The following PRL variants were observed in gnomAD, a reference collection of about 807,000 sequenced individuals.
PRL encodes the protein prolactin.
PRL carries 24 observed loss-of-function variants against 21.3 expected under a neutral mutation model. The observed-to-expected ratio is 1.13, with a 90% CI of 0.82 to 1.59. The LOEUF (loss-of-function observed/expected upper bound fraction) is 1.59, where lower values mean the gene tolerates loss of function less well. PRL is among the 40% of genes most tolerant of loss of function. The pLI is 0.00. For missense variants in PRL, 243 were observed against 286.9 expected (o/e 0.85, Z 1.10); for synonymous variants, 118 against 115.7 (o/e 1.02, Z -0.13).
chr6:22,297,099 C>A (rs1263693049), upstream of PRL: 4 of 1,045,962 alleles, frequency 3.8e-6, no homozygotes, highest in Non-Finnish European at 5.6e-6. Context: ...TATAATGAAT[C>A]AGGCATTCGT....
Position 22,290,209 on chromosome 6 carries a change from G to C in PRL, c.457C>G (p.Arg153Gly). The C allele has an allele frequency of 6.2e-7, 1 of 1,603,522 alleles. No homozygotes were observed. Among genetic ancestry groups the C allele is most frequent in the Non-Finnish European group, 8.5e-7 (1 of 1,172,658 alleles). ...KAVEIEEQTK[R>G]LLEGMELIVS... The stretch of plus-strand genomic sequence containing the variant: ...ATCAGCTCCATGCCCTCTAGAAGCC[G>C]TTTGGTTTGCTCCTCAATCTCTACA... The change falls in exon 4 of 5, where the codon CGG becomes GGG. Residue 153 changes from arginine (R) to glycine (G), a missense_variant. Transcript: ENST00000306482.
At chr6:22,301,541 C>T (rs984728685), upstream of PRL, among the ~76,000 whole-genome samples, 1 of 152,140 alleles carries the variant, frequency 6.6e-6, no homozygotes, top group Non-Finnish European at 1.5e-5. Context: ...GATATTGTAA[C>T]AACTCTTAGG....
rs530101047 is a variant in PRL, at chr6:22,292,488, C to T, written c.312+50G>A. ...ACAGCACCTATCACCATGATAATAC[C>T]CATATACTGCCTTGGTTGTTTTGGT... On this transcript the variant is annotated intron_variant, in intron 3 of 4. Transcript: ENST00000306482. The T allele has an allele frequency of 1.7e-5, 25 of 1,514,248 alleles. No homozygotes were observed. In the East Asian group the frequency reaches 2.5e-4, roughly 15 times the overall value. 93.8% of individuals were successfully genotyped at this position (1,514,248 alleles called of 1,614,324 possible). A position where few individuals can be genotyped will look rare whatever the true frequency, so the allele number is the denominator to read the frequency against.
rs1760945696 is a variant in PRL, at chr6:22,287,471, C to T, written c.615G>A (p.Arg205=). 1 of 1,613,954 alleles carries T rather than the reference C, an allele frequency of 6.2e-7. No homozygotes were observed. Among genetic ancestry groups the T allele is most frequent in the Non-Finnish European group, 8.5e-7 (1 of 1,179,940 alleles). ...AYYNLLHCLR[R]DSHKIDNYLK... Reference sequence around the variant, plus strand: ...GATAATTGTCGATTTTATGTGAATCCCTGCGTAGGCAGTGGAGCAGGTTAT... The same window carrying T: ...GATAATTGTCGATTTTATGTGAATCTCTGCGTAGGCAGTGGAGCAGGTTAT... The change falls in exon 5 of 5, where the codon AGG becomes AGA. Residue 205 remains arginine (R), a synonymous_variant. Transcript: ENST00000306482.
At position 22,290,249 on chromosome 6, in the gene PRL, A is replaced by G. The variant is rs776775683; in HGVS notation, c.417T>C (p.Ala139=). 1.1e-5 allele frequency: 17 copies of G among 1,613,292 alleles called. No individual in the cohort carries two copies. In the South Asian group the frequency reaches 1.9e-4, roughly 18 times the overall value. The change falls in exon 4 of 5, where the codon GCT becomes GCC. Residue 139 remains alanine, a synonymous_variant. Coordinates refer to ENST00000306482, the MANE Select transcript of PRL (RefSeq NM_000948.6). ...EVRGMQEAPE[A]ILSKAVEIEE... ...CAATCTCTACAGCTTTGGATAGGAT[A>G]GCCTCCGGGGCTTCTTGCATACCAC...
chr6:22,298,386 T>A (rs1761221979), upstream of PRL, among the ~76,000 whole-genome samples: 1 of 152,204 alleles, frequency 6.6e-6, no homozygotes, highest in Non-Finnish European at 1.5e-5. Context: ...CCTGTGACCT[T>A]TAGTTTCAAA....
intron 2 of PRL, 103 bp from the exon 3 acceptor site, chr6:22,292,748 A>C: frequency 2.3e-6 from 2 of 859,144 alleles, no homozygotes; most frequent in Non-Finnish European, 3.5e-6. Context: ...TGTAATTTTA[A>C]AAAATTAGAG....
upstream of PRL, among the ~76,000 whole-genome samples, chr6:22,297,907 T>C (rs539000030): frequency 2.6e-5 from 4 of 152,342 alleles, no homozygotes; most frequent in African/African-American, 7.2e-5. Flanking sequence ...AAGGAACAAT[T>C]ATTACTTCAC....
upstream of PRL, among the ~76,000 whole-genome samples, chr6:22,298,860 T>TG (rs1189364472): frequency 3.3e-5 from 5 of 152,202 alleles, no homozygotes; most frequent in Non-Finnish European, 7.3e-5. Flanking sequence ...TTAAAGGTGT[T>TG]GCAACATTCT....
intron 1 of PRL, 53 bp downstream of exon 1, chr6:22,296,902 C>A: frequency 1.3e-6 from 2 of 1,568,356 alleles, no homozygotes; most frequent in Non-Finnish European, 1.7e-6. Flanking sequence ...TCACATTAAT[C>A]CCCCCACAGG....
chr6:22,287,866 C>G (rs201569758), intron 4 of PRL, among the ~76,000 whole-genome samples: 1 of 152,162 alleles, frequency 6.6e-6, no homozygotes, highest in East Asian at 1.9e-4. Flanking sequence ...TGGAAAGGTA[C>G]TATGTAAATA....
At chr6:22,302,372 G>A (rs911765979), upstream of PRL, among the ~76,000 whole-genome samples, 1 of 151,634 alleles carries the variant, frequency 6.6e-6, no homozygotes, top group African/African-American at 2.4e-5. Context: ...CAATTAGGAG[G>A]CAGAATAAAA....
chr6:22,299,680 A>T (rs1198640878), upstream of PRL, among the ~76,000 whole-genome samples: 2 of 152,130 alleles, frequency 1.3e-5, no homozygotes, highest in African/African-American at 2.4e-5. Flanking sequence ...ATCTACTAAA[A>T]ATACAAAAAT....
intron 2 of PRL, among the ~76,000 whole-genome samples, chr6:22,293,619 GA>G (rs1761102311): frequency 1.7e-5 from 1 of 58,822 alleles, no homozygotes; most frequent in African/African-American, 6.3e-5. Flanking sequence ...AGGGAGGAGG[GA>G]AGGAGGGAAG....
chr6:22,294,267 T>G (rs1405857632), intron 2 of PRL, 142 bp downstream of exon 2: 1 of 897,488 alleles, frequency 1.1e-6, no homozygotes, highest in African/African-American at 1.7e-5. Flanking sequence ...GTTCCACATC[T>G]TATGAGCTGG....
At chr6:22,297,833 T>C (rs974166276), upstream of PRL, among the ~76,000 whole-genome samples, 1 of 152,204 alleles carries the variant, frequency 6.6e-6, no homozygotes, top group African/African-American at 2.4e-5. Flanking sequence ...GGGCTTTACT[T>C]TTAAATGGTA....
intron 1 of PRL, 54 bp from the exon 2 acceptor site, chr6:22,294,638 T>C: frequency 6.8e-7 from 1 of 1,473,862 alleles, no homozygotes. Context: ...ACGGAGGTTT[T>C]CAGAAGTAAT....
intron 3 of PRL, among the ~76,000 whole-genome samples, chr6:22,292,270 A>G (rs1475664004): frequency 6.6e-6 from 1 of 152,244 alleles, no homozygotes; most frequent in Non-Finnish European, 1.5e-5. Context: ...CTGTATATAC[A>G]ATCCTAGCGA....
intron 4 of PRL, 48 bp downstream of exon 4, chr6:22,290,126 C>T (rs1196040039): frequency 6.9e-7 from 1 of 1,459,314 alleles, no homozygotes; most frequent in East Asian, 2.3e-5. Flanking sequence ...ACAGAGGTCA[C>T]CGCTTATATT....
Sources: gnomAD v4.1 joint callset for allele counts (sites outside exome capture counted in the v4.1 genomes callset) on GRCh38, gnomAD v4.1.1 for gene constraint, MANE v1.5 for transcripts, NCBI Gene and HGNC (gene_info 2026-07-23, HGNC 2026-07-21) for gene names.